The following TENM1 variants were observed in gnomAD, a reference collection of about 807,000 sequenced individuals.
TENM1 encodes the protein teneurin transmembrane protein 1.
In TENM1, 35 loss-of-function variants were observed where a neutral mutation model predicts 174.8. The observed-to-expected ratio is 0.20, with a 90% CI of 0.15 to 0.27. TENM1 has a LOEUF of 0.27. TENM1 is among the 10% of genes least tolerant of loss of function. The pLI is 1.00. For synonymous variants in TENM1, 781 were observed against 798.7 expected (o/e 0.98, Z 0.37); for missense variants, 1,633 against 2,130.1 (o/e 0.77, Z 4.59).
chrX:125,101,344 C>A, the TENM1 span, among the ~76,000 whole-genome samples: 1 of 111,585 alleles, frequency 9.0e-6, no homozygotes, highest in Non-Finnish European at 1.9e-5. Flanking sequence ...TGATATTCCA[C>A]AGGAAACACT....
At chrX:124,562,367 C>G (rs1352302296) in intron 13 of TENM1, among the ~76,000 whole-genome samples, 2 of 112,063 alleles carry the variant, frequency 1.8e-5, no homozygotes. Context: ...TATATTTATT[C>G]AGCTTTTCTC....
chrX:124,886,629 G>A (rs1290242612), intron 3 of TENM1, among the ~76,000 whole-genome samples: 1 of 93,621 alleles, frequency 1.1e-5, no homozygotes, highest in Non-Finnish European at 2.1e-5. Context: ...ACTTAAAAAT[G>A]TAAATCTTAT....
chrX:125,107,375 C>T, the TENM1 span, among the ~76,000 whole-genome samples: 4 of 112,198 alleles, frequency 3.6e-5, no homozygotes, highest in Non-Finnish European at 5.6e-5. Context: ...GAAGGATTTC[C>T]CCCTGACTCC....
At chrX:124,700,039 T>C (rs1002639458) in intron 5 of TENM1, among the ~76,000 whole-genome samples, 1 of 112,204 alleles carries the variant, frequency 8.9e-6, no homozygotes, top group Non-Finnish European at 1.9e-5. Context: ...GTCTATAGGA[T>C]AATGTGAAAT....
At chrX:125,174,320 G>A in the TENM1 span, among the ~76,000 whole-genome samples, 12 of 111,710 alleles carry the variant, frequency 1.1e-4, no homozygotes, top group Admixed American at 1.9e-4. Context: ...GGATAAAAAG[G>A]TAGAGGGAGA....
exon 32 of TENM1, chrX:124,376,263 A>G (rs2060102453): frequency 8.9e-6 from 1 of 112,617 alleles, no homozygotes; most frequent in South Asian, 3.6e-4. Flanking sequence ...CACTGTAAAC[A>G]TCTTTACTTT....
intron 3 of TENM1, among the ~76,000 whole-genome samples, chrX:124,822,804 C>A (rs747300291): frequency 2.7e-5 from 3 of 111,643 alleles, no homozygotes; most frequent in East Asian, 2.8e-4. Context: ...GCTGAATAAG[C>A]CTGGAGCAAG....
At chrX:125,023,130 C>T in the TENM1 span, among the ~76,000 whole-genome samples, 1 of 111,179 alleles carries the variant, frequency 9.0e-6, no homozygotes, top group Non-Finnish European at 1.9e-5. Flanking sequence ...CAAATCTCAT[C>T]TTAATTTAAA....
intron 3 of TENM1, among the ~76,000 whole-genome samples, chrX:124,807,880 C>A (rs113859760): frequency 7.6e-3 from 71 of 9,322 alleles, no homozygotes; most frequent in African/African-American, 0.02. Flanking sequence ...AAATCACTTA[C>A]ACACACACAC....
intron 4 of TENM1, among the ~76,000 whole-genome samples, chrX:124,715,888 C>T (rs1241671829): frequency 2.7e-5 from 3 of 110,664 alleles, no homozygotes; most frequent in Non-Finnish European, 5.7e-5. Context: ...TAATGTACCT[C>T]GATAAGGACA....
At chrX:125,010,407 T>G in the TENM1 span, among the ~76,000 whole-genome samples, 1 of 110,037 alleles carries the variant, frequency 9.1e-6, no homozygotes, top group East Asian at 2.9e-4. Context: ...AACATTCCAT[T>G]CTCAGGGATA....
chrX:124,411,491 A>G (rs1341836349), intron 25 of TENM1, among the ~76,000 whole-genome samples: 1 of 111,735 alleles, frequency 8.9e-6, no homozygotes, highest in Non-Finnish European at 1.9e-5. Context: ...AGAGAGGCCA[A>G]TGAAAGTGTA....
At chrX:124,528,220 C>T (rs1432762346) in intron 16 of TENM1, among the ~76,000 whole-genome samples, 2 of 110,437 alleles carry the variant, frequency 1.8e-5, no homozygotes, top group Non-Finnish European at 3.8e-5. Flanking sequence ...ACTGTGAGTT[C>T]AGCAGAGGAG....
At chrX:124,568,035 C>T (rs1207406399) in intron 11 of TENM1, among the ~76,000 whole-genome samples, 1 of 111,794 alleles carries the variant, frequency 8.9e-6, no homozygotes, top group Non-Finnish European at 1.9e-5. Flanking sequence ...CAGTATTGGC[C>T]AAATAGCAGA....
chrX:124,546,806 T>C lies in TENM1; in HGVS notation c.2651+68A>G, dbSNP rs773517409. 229 of 875,741 alleles carry C rather than the reference T, an allele frequency of 2.6e-4. 1 individual carries two copies. The African/African-American group carries it at 4.2e-3, about 16-fold the overall frequency. 72.2% of individuals were successfully genotyped at this position (875,741 alleles called of 1,213,427 possible). A position where few individuals can be genotyped will look rare whatever the true frequency, so the allele number is the denominator to read the frequency against. On this transcript the variant is annotated intron_variant, in intron 15 of 31. Transcript: ENST00000422452. ...GAAGTAACCTGATCCTTAGAAGATA[T>C]CTTCCTTTCGTAGTTCAGGAAAAAC...
intron 1 of TENM1, among the ~76,000 whole-genome samples, chrX:124,898,250 G>A (rs1220329398): frequency 9.0e-6 from 1 of 111,098 alleles, no homozygotes. Flanking sequence ...GACTTCCCTG[G>A]TGAGACCCAT....
chrX:124,675,063 C>T (rs1371760398), intron 5 of TENM1, among the ~76,000 whole-genome samples: 1 of 111,452 alleles, frequency 9.0e-6, no homozygotes, highest in Non-Finnish European at 1.9e-5. Context: ...TGGACTGCTT[C>T]CAGCCAATCA....
chrX:124,917,316 CA>C lies in TENM1; in HGVS notation c.218-21076del, dbSNP rs1309463209. Reference sequence around the variant, plus strand: ...CACCTTGTTGTTTGGTTACTTGAGCCAAAAAAACTTTTTTTTTCTCTTAAGC... The same window carrying C: ...CACCTTGTTGTTTGGTTACTTGAGCCAAAAAACTTTTTTTTTCTCTTAAGC... On this transcript the variant is annotated intron_variant, in intron 1 of 31. Transcript: ENST00000422452. Among the ~76,000 whole-genome samples, 4 of 111,486 alleles carry C rather than the reference CA, an allele frequency of 3.6e-5. No homozygotes were observed. The East Asian group carries it at 1.1e-3, about 32-fold the overall frequency.
At chrX:124,844,262 A>G (rs1277468950) in intron 3 of TENM1, among the ~76,000 whole-genome samples, 1 of 112,300 alleles carries the variant, frequency 8.9e-6, no homozygotes, top group East Asian at 2.8e-4. Flanking sequence ...ATAGCACACA[A>G]ACTATTGTTA....
Sources: allele counts gnomAD v4.1 joint callset (sites outside exome capture counted in the v4.1 genomes callset), GRCh38; gene constraint gnomAD v4.1.1; transcripts MANE v1.5; gene names NCBI Gene and HGNC (gene_info 2026-07-23, HGNC 2026-07-21).